DTNA: variants seen among roughly 807,000 people sequenced by gnomAD.
DTNA encodes the protein dystrobrevin alpha.
A neutral mutation model predicts 100.7 loss-of-function variants in DTNA; 43 were observed. The observed-to-expected ratio is 0.43, with a 90% CI of 0.33 to 0.55. DTNA has a LOEUF of 0.55. DTNA is among the 20% of genes least tolerant of loss of function. DTNA has a pLI of 0.04. For missense variants in DTNA, 798 were observed against 953.9 expected (o/e 0.84, Z 2.15); for synonymous variants, 349 against 347.9 (o/e 1.00, Z -0.04).
intron 1 of DTNA, among the ~76,000 whole-genome samples, chr18:34,632,463 A>G (rs780417498): frequency 1.1e-4 from 16 of 152,168 alleles, no homozygotes; most frequent in Non-Finnish European, 1.9e-4. Context: ...CTTATTTAAC[A>G]GTTCCCTAGT....
intron 1 of DTNA, among the ~76,000 whole-genome samples, chr18:34,496,873 G>C (rs2039299285): frequency 6.6e-6 from 1 of 152,132 alleles, no homozygotes; most frequent in Non-Finnish European, 1.5e-5. Flanking sequence ...CTAAATGCTT[G>C]CATGTTAATT....
intron 1 of DTNA, among the ~76,000 whole-genome samples, chr18:34,652,630 C>T (rs1357119179): frequency 6.6e-6 from 1 of 152,134 alleles, no homozygotes; most frequent in Non-Finnish European, 1.5e-5. Context: ...GCTACTTTTC[C>T]AGCACTAGTT....
chr18:34,824,288 A>C (rs2095799121), intron 9 of DTNA, among the ~76,000 whole-genome samples: 1 of 152,122 alleles, frequency 6.6e-6, no homozygotes, highest in Admixed American at 6.6e-5. Context: ...ATCCTGGTTA[A>C]CACGATGAAA....
At chr18:34,783,351 C>T (rs1181492545) in intron 3 of DTNA, among the ~76,000 whole-genome samples, 2 of 152,136 alleles carry the variant, frequency 1.3e-5, no homozygotes, top group African/African-American at 2.4e-5. Context: ...CTACCAGGGC[C>T]TGTGAAGATT....
chr18:34,644,754 G>A (rs1417386902), intron 1 of DTNA, among the ~76,000 whole-genome samples: 2 of 152,080 alleles, frequency 1.3e-5, no homozygotes, highest in African/African-American at 2.4e-5. Flanking sequence ...GATATAAAAT[G>A]TAACTGGCAT....
At chr18:34,712,397 G>GA (rs201456085) in intron 1 of DTNA, among the ~76,000 whole-genome samples, 1,518 of 151,714 alleles carry the variant, frequency 0.01, 8 homozygotes, top group Non-Finnish European at 0.016. Flanking sequence ...TAAATAAAAT[G>GA]AAAAAAAATC....
intron 1 of DTNA, among the ~76,000 whole-genome samples, chr18:34,498,543 C>G (rs1476230220): frequency 1.3e-5 from 2 of 151,450 alleles, no homozygotes. Flanking sequence ...ATAACTGATG[C>G]TCTCACTCTT....
chr18:34,860,124 G>A (rs889620091), intron 16 of DTNA, among the ~76,000 whole-genome samples: 3 of 151,490 alleles, frequency 2.0e-5, no homozygotes, highest in Non-Finnish European at 4.4e-5. Flanking sequence ...TCGGCTCACT[G>A]CAACCTCTGC....
At chr18:34,552,605 A>G (rs1349787134) in intron 1 of DTNA, among the ~76,000 whole-genome samples, 2 of 141,078 alleles carry the variant, frequency 1.4e-5, no homozygotes, top group South Asian at 2.3e-4. Flanking sequence ...TTCAATTCCC[A>G]CCTATGGTGA....
chr18:34,787,067 C>T (rs1277920809), intron 3 of DTNA, among the ~76,000 whole-genome samples: 2 of 152,242 alleles, frequency 1.3e-5, no homozygotes, highest in South Asian at 4.2e-4. Flanking sequence ...TTCTAAATAG[C>T]CTGTGTTTTG....
chr18:34,879,771 G>A, intron 20 of DTNA, 52 bp downstream of exon 20: 1 of 1,606,474 alleles, frequency 6.2e-7, no homozygotes. Context: ...CAATCTGTAG[G>A]AGACAATAAG....
At chr18:34,607,008 T>A (rs1598967094) in intron 1 of DTNA, among the ~76,000 whole-genome samples, 1 of 152,212 alleles carries the variant, frequency 6.6e-6, no homozygotes, top group South Asian at 2.1e-4. Flanking sequence ...ATGAATACAT[T>A]CCCACGAAAG....
At chr18:34,539,984 A>G (rs994765211) in intron 1 of DTNA, among the ~76,000 whole-genome samples, 1 of 151,950 alleles carries the variant, frequency 6.6e-6, no homozygotes, top group African/African-American at 2.4e-5. Context: ...AAAAATATAT[A>G]AGTAATTAAA....
intron 1 of DTNA, among the ~76,000 whole-genome samples, chr18:34,556,610 T>C (rs1401800015): frequency 6.6e-6 from 1 of 152,174 alleles, no homozygotes; most frequent in Admixed American, 6.5e-5. Context: ...TAAAGTATTT[T>C]ATTTCTCCTT....
chr18:34,538,071 A>G (rs2043892893), intron 1 of DTNA, among the ~76,000 whole-genome samples: 1 of 152,098 alleles, frequency 6.6e-6, no homozygotes, highest in Non-Finnish European at 1.5e-5. Flanking sequence ...TGAATTTCTC[A>G]GTCTGATTAA....
At chr18:34,728,278 A>G (rs2087220042) in intron 1 of DTNA, among the ~76,000 whole-genome samples, 1 of 152,236 alleles carries the variant, frequency 6.6e-6, no homozygotes, top group African/African-American at 2.4e-5. Flanking sequence ...TGACAAAGAA[A>G]GGACAAAAAA....
At chr18:34,753,343 TTATTTA>T (rs2092476752) in intron 1 of DTNA, among the ~76,000 whole-genome samples, 1 of 130,366 alleles carries the variant, frequency 7.7e-6, no homozygotes, top group African/African-American at 3.1e-5. Flanking sequence ...TGTGATTTAT[TTATTTA>T]TTTATTTATT....
chr18:34,865,820 T>C (rs1408426146), intron 17 of DTNA, among the ~76,000 whole-genome samples: 2 of 152,344 alleles, frequency 1.3e-5, no homozygotes, highest in Non-Finnish European at 2.9e-5. Flanking sequence ...CCACCAGCCA[T>C]GTTGGTATCA....
At chr18:34,596,101 G>C (rs1360531612) in intron 1 of DTNA, among the ~76,000 whole-genome samples, 2 of 152,108 alleles carry the variant, frequency 1.3e-5, no homozygotes, top group Admixed American at 6.6e-5. Context: ...TATGCCCAAG[G>C]GCTTTTAAAA....
Sources: allele counts gnomAD v4.1 joint callset (sites outside exome capture counted in the v4.1 genomes callset), GRCh38; gene constraint gnomAD v4.1.1; transcripts MANE v1.5; gene names NCBI Gene and HGNC (gene_info 2026-07-23, HGNC 2026-07-21).